WDR41: variants seen among roughly 807,000 people sequenced by gnomAD.
The protein encoded by WDR41 is WD repeat domain 41, also known as WD repeat-containing protein 41.
A neutral mutation model predicts 69.3 loss-of-function variants in WDR41; 63 were observed. The observed-to-expected ratio is 0.91, with a 90% confidence interval of 0.74 to 1.12. The LOEUF is 1.12. Among genes scored for constraint, WDR41 ranks in the 50% most tolerant of loss-of-function variants. The probability of loss-of-function intolerance (pLI) is 0.00; values close to 1 mark genes in which losing one functional copy is unlikely to be tolerated. For missense variants in WDR41, 543 were observed against 534.5 expected (o/e 1.02, Z -0.16); for synonymous variants, 185 against 192.1 (o/e 0.96, Z 0.31).
chr5:77,521,723 C>T (rs181351520), intron 1 of WDR41, among the ~76,000 whole-genome samples: 2 of 152,328 alleles, frequency 1.3e-5, no homozygotes, highest in Admixed American at 1.3e-4. Context: ...TGACTGATCA[C>T]ATTCCATGAG....
chr5:77,510,314 G>C (rs1159163511), intron 1 of WDR41, among the ~76,000 whole-genome samples: 1 of 152,134 alleles, frequency 6.6e-6, no homozygotes, highest in Non-Finnish European at 1.5e-5. Context: ...GCATGGGAAA[G>C]ACCTGCCCCC....
At chr5:77,553,105 C>G (rs539276790) in intron 1 of WDR41, among the ~76,000 whole-genome samples, 29 of 152,328 alleles carry the variant, frequency 1.9e-4, no homozygotes, top group African/African-American at 6.5e-4. Context: ...AAAAGGAAAA[C>G]TACACACTCA....
At chr5:77,499,425 C>T (rs1388154741) in intron 1 of WDR41, 3 of 152,198 alleles carry the variant, frequency 2.0e-5, no homozygotes, top group African/African-American at 7.2e-5. Context: ...TGTCCATTCT[C>T]TTATGCCTCA....
chr5:77,435,510 C>T (rs1328973321), intron 12 of WDR41, among the ~76,000 whole-genome samples: 3 of 152,208 alleles, frequency 2.0e-5, no homozygotes, highest in Non-Finnish European at 4.4e-5. Flanking sequence ...GAAATGCTCA[C>T]TAACAAGGAT....
rs1433590220 is a variant in WDR41, at chr5:77,598,644, C to CCTT, written c.42+21834_42+21835insAAG. On this transcript the variant is annotated intron_variant, in intron 1 of 5. Coordinates refer to the WDR41 transcript ENST00000509971. ...GAAGTTATGTGAATCAGTAAGTTTCCTTTTTTTTTTTGTTTTTTTTGTAGC... is the reference window on the plus strand; with the variant it reads ...GAAGTTATGTGAATCAGTAAGTTTCCCTTTTTTTTTTTTTGTTTTTTTTGTAGC... Among the ~76,000 whole-genome samples, 120 of 121,350 alleles carry CCTT rather than the reference C, an allele frequency of 9.9e-4. 1 individual carries two copies. Among genetic ancestry groups the CCTT allele is most frequent in the African/African-American group, 3.3e-3 (115 of 34,460 alleles). The allele number at this position is 121,350 out of a possible 152,430, so 79.6% of individuals were successfully genotyped here. A position where few individuals can be genotyped will look rare whatever the true frequency, so the allele number is the denominator to read the frequency against.
intron 1 of WDR41, among the ~76,000 whole-genome samples, chr5:77,580,543 C>A (rs1743919067): frequency 6.8e-6 from 1 of 146,304 alleles, no homozygotes. Context: ...AGAGCAACCT[C>A]AAAAAATTAC....
chr5:77,450,668 C>T (rs1432352061), intron 7 of WDR41, among the ~76,000 whole-genome samples: 4 of 152,152 alleles, frequency 2.6e-5, no homozygotes, highest in Admixed American at 6.6e-5. Flanking sequence ...AACAGGCTTA[C>T]CGTCAATGTA....
At chr5:77,561,498 C>T (rs1028967384) in intron 1 of WDR41, among the ~76,000 whole-genome samples, 6 of 151,994 alleles carry the variant, frequency 3.9e-5, no homozygotes, top group Non-Finnish European at 7.4e-5. Context: ...GCATCTACAA[C>T]ATTTAAATAA....
intron 2 of WDR41, among the ~76,000 whole-genome samples, chr5:77,465,692 C>T (rs1800274056): frequency 6.7e-6 from 1 of 149,676 alleles, no homozygotes; most frequent in Non-Finnish European, 1.5e-5. Flanking sequence ...AAAGTTGTCC[C>T]CATAATATTG....
At chr5:77,558,085 T>C (rs1261439891) in intron 1 of WDR41, among the ~76,000 whole-genome samples, 1 of 132,668 alleles carries the variant, frequency 7.5e-6, no homozygotes, top group Non-Finnish European at 1.6e-5. Flanking sequence ...GAACTTCAAA[T>C]GTTCTTTTTA....
intron 1 of WDR41, among the ~76,000 whole-genome samples, chr5:77,598,883 G>A (rs1253073649): frequency 6.6e-6 from 1 of 152,104 alleles, no homozygotes; most frequent in Non-Finnish European, 1.5e-5. Flanking sequence ...GGAAGCCAAA[G>A]TCAAGGAAGC....
At chr5:77,529,209 A>G (rs1376535310) in intron 1 of WDR41, among the ~76,000 whole-genome samples, 4 of 151,566 alleles carry the variant, frequency 2.6e-5, no homozygotes, top group Non-Finnish European at 5.9e-5. Context: ...CAAAGTCAAT[A>G]AACAAAATCA....
At chr5:77,456,045 A>C (rs1427101247) in intron 5 of WDR41, among the ~76,000 whole-genome samples, 1 of 152,186 alleles carries the variant, frequency 6.6e-6, no homozygotes, top group Non-Finnish European at 1.5e-5. Flanking sequence ...CTGTAGATCA[A>C]TGTGGGTAGT....
intron 1 of WDR41, among the ~76,000 whole-genome samples, chr5:77,503,544 C>A (rs559975930): frequency 2.0e-5 from 3 of 152,234 alleles, no homozygotes; most frequent in Non-Finnish European, 4.4e-5. Flanking sequence ...CATCTACAGA[C>A]CTCTTCACCC....
At chr5:77,562,045 A>G (rs10052921) in intron 1 of WDR41, among the ~76,000 whole-genome samples, 51,997 of 152,074 alleles carry the variant, frequency 0.34, 11,174 homozygotes, top group African/African-American at 0.59. Context: ...CACCTATTGT[A>G]AGTTGTGAAA....
intron 2 of WDR41, among the ~76,000 whole-genome samples, chr5:77,472,465 G>T (rs1226472776): frequency 6.6e-6 from 1 of 151,142 alleles, no homozygotes; most frequent in Admixed American, 6.6e-5. Context: ...ATTCAATTAG[G>T]AAAAGAGGAA....
chr5:77,502,892 G>A (rs1021343580), intron 1 of WDR41, among the ~76,000 whole-genome samples: 1 of 152,096 alleles, frequency 6.6e-6, no homozygotes, highest in Non-Finnish European at 1.5e-5. Context: ...TAAACAACCA[G>A]TACCAGCCAG....
intron 2 of WDR41, among the ~76,000 whole-genome samples, chr5:77,481,856 G>A (rs1159775331): frequency 6.6e-6 from 1 of 150,796 alleles, no homozygotes; most frequent in Non-Finnish European, 1.5e-5. Context: ...ACTTTATGAA[G>A]CTGATATGTT....
chr5:77,576,285 C>A (rs953623100), intron 1 of WDR41, among the ~76,000 whole-genome samples: 2 of 152,004 alleles, frequency 1.3e-5, no homozygotes, highest in Non-Finnish European at 2.9e-5. Context: ...ATGCACAATT[C>A]TCCCACACCT....
Sources: allele counts gnomAD v4.1 joint callset (sites outside exome capture counted in the v4.1 genomes callset), GRCh38; gene constraint gnomAD v4.1.1; transcripts MANE v1.5; gene names NCBI Gene and HGNC (gene_info 2026-07-23, HGNC 2026-07-21).